The following EYS variants were observed in gnomAD, a reference collection of about 807,000 sequenced individuals.
EYS encodes the protein EGF-like photoreceptor maintenance factor.
In EYS, 250 loss-of-function variants were observed where a neutral mutation model predicts 282.1. The observed-to-expected ratio is 0.89, with a 90% CI of 0.80 to 0.98. The LOEUF (loss-of-function observed/expected upper bound fraction) is 0.98, where lower values mean the gene tolerates loss of function less well. EYS is among the 50% of genes least tolerant of loss of function. The pLI is 0.00. For synonymous variants in EYS, 1,355 were observed against 1,282.9 expected, an observed-to-expected ratio of 1.06 and a Z score of -1.20; for missense variants, 4,016 against 3,709.0, an observed-to-expected ratio of 1.08 and a Z score of -2.15.
chr6:64,893,149 G>A (rs1306860215), intron 18 of EYS, among the ~76,000 whole-genome samples: 1 of 152,032 alleles, frequency 6.6e-6, no homozygotes, highest in African/African-American at 2.4e-5. Flanking sequence ...AAAGACATTA[G>A]TTGCATGGGA....
At chr6:64,403,284 G>A (rs1406330005) in intron 28 of EYS, among the ~76,000 whole-genome samples, 9 of 151,804 alleles carry the variant, frequency 5.9e-5, no homozygotes, top group Admixed American at 5.9e-4. Flanking sequence ...TATGGTACTT[G>A]ACAATTTATG....
At position 65,332,463 on chromosome 6, in the gene EYS, C is replaced by A. The variant is rs75255830; in HGVS notation, c.1766+2517G>T. The A allele has an allele frequency of 2.6e-4, 351 of 1,355,544 alleles. 3 individuals carry two copies. In the African/African-American group the frequency reaches 4.7e-3, roughly 18 times the overall value. The allele number at this position is 1,355,544 out of a possible 1,614,324, so 84.0% of individuals were successfully genotyped here. A position where few individuals can be genotyped will look rare whatever the true frequency, so the allele number is the denominator to read the frequency against. ...AATTAATATTTTAGCTAACTTAAGG[C>A]CTAATATTTAAGTCTATGCATTATA... On this transcript the variant is annotated intron_variant, in intron 11 of 42. Coordinates refer to ENST00000503581, the MANE Select transcript of EYS (RefSeq NM_001142800.2).
intron 22 of EYS, among the ~76,000 whole-genome samples, chr6:64,743,711 T>A (rs1772450872): frequency 6.6e-6 from 1 of 152,154 alleles, no homozygotes; most frequent in Admixed American, 6.5e-5. Flanking sequence ...GAGAAGTTAC[T>A]TGATTTTTTT....
intron 26 of EYS, among the ~76,000 whole-genome samples, chr6:64,545,518 C>T (rs918337158): frequency 6.6e-6 from 1 of 152,096 alleles, no homozygotes; most frequent in Non-Finnish European, 1.5e-5. Context: ...AAGTTCTGGC[C>T]AGGGCAATCA....
intron 14 of EYS, among the ~76,000 whole-genome samples, chr6:64,963,385 G>T (rs191711943): frequency 6.6e-5 from 10 of 152,246 alleles, no homozygotes; most frequent in African/African-American, 2.4e-4. Flanking sequence ...TGGCACCCTA[G>T]GTTTGATAAT....
chr6:65,618,061 T>C (rs573509640), intron 2 of EYS, among the ~76,000 whole-genome samples: 1 of 152,314 alleles, frequency 6.6e-6, no homozygotes, highest in African/African-American at 2.4e-5. Context: ...CCTTTGGGTA[T>C]ATACCCAGTA....
intron 31 of EYS, among the ~76,000 whole-genome samples, chr6:64,091,849 C>T (rs1391567753): frequency 6.6e-6 from 1 of 152,052 alleles, no homozygotes; most frequent in Non-Finnish European, 1.5e-5. Context: ...GTGCTGCACC[C>T]ATTAATTCAA....
chr6:64,767,682 CT>C (rs1179325305), intron 22 of EYS, among the ~76,000 whole-genome samples: 3 of 152,176 alleles, frequency 2.0e-5, no homozygotes, highest in Admixed American at 6.6e-5. Flanking sequence ...ATTCGTTCAT[CT>C]GTTGTTGGAC....
chr6:64,593,165 T>C lies in EYS; in HGVS notation c.3829A>G (p.Lys1277Glu). The change falls in exon 25 of 43, where the codon AAG (lysine) becomes GAG (glutamate). Residue 1277 changes from lysine to glutamate, a missense_variant. Lys to Glu is a moderately conservative substitution (Grantham distance 56). Transcript: ENST00000503581. ...ATTATGGCTGGTATTCTAGTAGCCT[T>C]TATAGATGGAAAGCTGCTGACCAAA... ...ETLVSSFPSIKATRIPAIMDT... is the reference protein window; with the variant it reads ...ETLVSSFPSIEATRIPAIMDT... 1 of 1,548,990 alleles carries C rather than the reference T, an allele frequency of 6.5e-7. No homozygotes were observed. Among genetic ancestry groups the C allele is most frequent in the Non-Finnish European group, 8.7e-7 (1 of 1,145,798 alleles).
intron 31 of EYS, among the ~76,000 whole-genome samples, chr6:64,198,044 G>A (rs1005362744): frequency 7.2e-5 from 11 of 151,768 alleles, no homozygotes; most frequent in Non-Finnish European, 1.3e-4. Flanking sequence ...CCAGGCTGGA[G>A]TGCAGTGGCG....
chr6:64,625,610 C>G (rs1255277194), intron 23 of EYS, among the ~76,000 whole-genome samples: 1 of 152,198 alleles, frequency 6.6e-6, no homozygotes, highest in East Asian at 1.9e-4. Context: ...AAAGTCCCAC[C>G]TCTTAATACT....
chr6:65,484,019 T>A (rs1429734737), intron 5 of EYS, among the ~76,000 whole-genome samples: 1 of 152,096 alleles, frequency 6.6e-6, no homozygotes, highest in Non-Finnish European at 1.5e-5. Context: ...AAGATGAGAT[T>A]TGGGTGGGGA....
At chr6:65,610,840 T>C (rs1199325529) in intron 2 of EYS, among the ~76,000 whole-genome samples, 1 of 152,110 alleles carries the variant, frequency 6.6e-6, no homozygotes, top group African/African-American at 2.4e-5. Context: ...TATCTCTCTG[T>C]GTAACTGATT....
chr6:65,561,844 ATAT>A (rs1409503209), intron 2 of EYS, among the ~76,000 whole-genome samples: 1 of 151,888 alleles, frequency 6.6e-6, no homozygotes, highest in Non-Finnish European at 1.5e-5. Flanking sequence ...CATACCATGA[ATAT>A]TATTTAGTTA....
chr6:65,108,764 G>A (rs989522535), intron 12 of EYS, among the ~76,000 whole-genome samples: 1 of 152,000 alleles, frequency 6.6e-6, no homozygotes, highest in Non-Finnish European at 1.5e-5. Context: ...TTTATGATAT[G>A]TTCATATATA....
intron 15 of EYS, among the ~76,000 whole-genome samples, chr6:64,931,622 A>G (rs1349393478): frequency 2.0e-5 from 3 of 152,136 alleles, no homozygotes; most frequent in Non-Finnish European, 4.4e-5. Context: ...CTATGCATAT[A>G]TTTTTGAAAA....
chr6:64,280,865 CA>C (rs1341890601), intron 30 of EYS, among the ~76,000 whole-genome samples: 13 of 152,058 alleles, frequency 8.5e-5, no homozygotes, highest in African/African-American at 2.9e-4. Context: ...GCAGAAAAAG[CA>C]CATAAACTAT....
At chr6:64,429,875 T>C (rs1241489799) in intron 28 of EYS, among the ~76,000 whole-genome samples, 2 of 152,248 alleles carry the variant, frequency 1.3e-5, no homozygotes, top group Non-Finnish European at 2.9e-5. Flanking sequence ...GTTCATTTTT[T>C]ATTTTGTTCA....
intron 5 of EYS, among the ~76,000 whole-genome samples, chr6:65,450,332 A>T (rs9354245): frequency 0.19 from 28,172 of 152,114 alleles, 3,262 homozygotes; most frequent in Middle Eastern, 0.3. Context: ...CAGGGGGAAA[A>T]GCAGTCATTC....
Sources: gnomAD v4.1 joint callset for allele counts (sites outside exome capture counted in the v4.1 genomes callset) on GRCh38, gnomAD v4.1.1 for gene constraint, MANE v1.5 for transcripts, NCBI Gene and HGNC (gene_info 2026-07-23, HGNC 2026-07-21) for gene names.